FSD1L: variants seen among roughly 807,000 people sequenced by gnomAD.
FSD1L encodes FSD1-like protein.
FSD1L carries 45 observed loss-of-function variants against 71.6 expected under a neutral mutation model. That is an observed-to-expected ratio of 0.63 (90% CI 0.49 to 0.81). FSD1L has a LOEUF of 0.81. Among genes scored for constraint, FSD1L ranks in the 30% least tolerant of loss-of-function variants. The pLI is 0.00. For missense variants in FSD1L, 561 were observed against 618.1 expected (o/e 0.91, Z 0.98); for synonymous variants, 197 against 207.2 (o/e 0.95, Z 0.42).
Position 105,484,464 on chromosome 9 carries a change from A to C in FSD1L, c.548A>C (p.Gln183Pro). Residue 183 changes from glutamine (Q) to proline (P), a missense_variant, in exon 7 of 14, where the codon CAG (glutamine) becomes CCG (proline). Gln to Pro is a moderately conservative substitution (Grantham distance 76). Around this residue, in one of 3 missense-constraint regions of FSD1L, gnomAD observed 410 missense variants for 413.5 expected, o/e 0.99. Coordinates refer to ENST00000481272, the MANE Select transcript of FSD1L (RefSeq NM_001145313.3). ...NMTHLMVDFSQERQMLQTLKF... is the reference protein window; with the variant it reads ...NMTHLMVDFSPERQMLQTLKF... ...ACTCATTTAATGGTGGATTTCTCACAGGAAAGACAGATGCTGCAAACTTTG... is the reference window on the plus strand; with the variant it reads ...ACTCATTTAATGGTGGATTTCTCACCGGAAAGACAGATGCTGCAAACTTTG... 3 of 1,531,530 alleles carry C rather than the reference A, an allele frequency of 2.0e-6. No individual in the cohort carries two copies. Among genetic ancestry groups the C allele is most frequent in the Non-Finnish European group, 2.6e-6 (3 of 1,139,266 alleles). The allele number at this position is 1,531,530 out of a possible 1,614,324, so 94.9% of individuals were successfully genotyped here.
chr9:105,447,249 G>T (rs1359589682), upstream of FSD1L, among the ~76,000 whole-genome samples: 1 of 147,902 alleles, frequency 6.8e-6, no homozygotes, highest in Non-Finnish European at 1.5e-5. Context: ...CCTGGAACCC[G>T]GGAGGCAGAG....
intron 6 of FSD1L, among the ~76,000 whole-genome samples, chr9:105,479,967 C>A (rs1832064062): frequency 6.6e-6 from 1 of 152,088 alleles, no homozygotes; most frequent in Non-Finnish European, 1.5e-5. Context: ...ATTGGTAGAG[C>A]CAGGCTTAAG....
upstream of FSD1L, among the ~76,000 whole-genome samples, chr9:105,446,173 T>C (rs949186648): frequency 6.6e-6 from 1 of 152,106 alleles, no homozygotes; most frequent in African/African-American, 2.4e-5. Context: ...GTAGAATAAA[T>C]GCTGTTTCTC....
At chr9:105,460,063 C>G (rs1351174956) in intron 1 of FSD1L, among the ~76,000 whole-genome samples, 1 of 152,150 alleles carries the variant, frequency 6.6e-6, no homozygotes, top group Non-Finnish European at 1.5e-5. Context: ...CTCAGAAATA[C>G]TATATCAGCC....
At chr9:105,532,154 AG>A (rs1471014904) in intron 10 of FSD1L, among the ~76,000 whole-genome samples, 10 of 152,214 alleles carry the variant, frequency 6.6e-5, no homozygotes, top group Non-Finnish European at 1.5e-4. Flanking sequence ...GCCCCTCACA[AG>A]ATCAGGAAAA....
rs987470552 is a variant in FSD1L, at chr9:105,551,426, G to C, written c.*4943G>C. The C allele has an allele frequency of 6.6e-6, 1 of 151,860 alleles. No homozygotes were observed. The highest frequency in any genetic ancestry group is 1.5e-5 in the Non-Finnish European group (1 of 67,956). The allele number at this position is 151,860 out of a possible 1,614,324, so 9.4% of individuals were successfully genotyped here. A position where few individuals can be genotyped will look rare whatever the true frequency, so the allele number is the denominator to read the frequency against. On this transcript the variant is annotated 3_prime_UTR_variant, in exon 14 of 14. Coordinates refer to ENST00000481272, the MANE Select transcript of FSD1L (RefSeq NM_001145313.3). ...CTTCTTTATAAAATAAGTGTAAGTT[G>C]TTCAGCCTGCCTCACAGGGCTGTTG...
chr9:105,455,023 A>G (rs1456992586), intron 1 of FSD1L, among the ~76,000 whole-genome samples: 2 of 152,186 alleles, frequency 1.3e-5, no homozygotes, highest in Admixed American at 6.5e-5. Flanking sequence ...TGAGCATGAT[A>G]CTTTTGTTAA....
chr9:105,520,923 A>G, intron 10 of FSD1L: 1 of 1,612,094 alleles, frequency 6.2e-7, no homozygotes, highest in African/African-American at 1.3e-5. Flanking sequence ...TCAGGTAAAA[A>G]GTTTAGAATG....
At chr9:105,463,267 G>A (rs1830837860) in intron 2 of FSD1L, among the ~76,000 whole-genome samples, 2 of 152,186 alleles carry the variant, frequency 1.3e-5, no homozygotes, top group African/African-American at 4.8e-5. Flanking sequence ...AAGTCTTATA[G>A]GCTTTATTAA....
intron 4 of FSD1L, among the ~76,000 whole-genome samples, chr9:105,470,428 C>T (rs748647958): frequency 1.3e-5 from 2 of 152,030 alleles, no homozygotes; most frequent in Non-Finnish European, 2.9e-5. Context: ...TTTCTTTTAG[C>T]ATTGTATTGT....
At chr9:105,495,776 A>G (rs1833345428) in intron 7 of FSD1L, among the ~76,000 whole-genome samples, 1 of 152,134 alleles carries the variant, frequency 6.6e-6, no homozygotes, top group Non-Finnish European at 1.5e-5. Flanking sequence ...GGAGATCGAG[A>G]CCATCCTGGC....
At position 105,546,657 on chromosome 9, in the gene FSD1L, C is replaced by T; in HGVS notation, c.*174C>T. 2 of 482,712 alleles carry T rather than the reference C, an allele frequency of 4.1e-6. No homozygotes were observed. Among genetic ancestry groups the T allele is most frequent in the Non-Finnish European group, 6.9e-6 (2 of 290,674 alleles). 29.9% of individuals were successfully genotyped at this position (482,712 alleles called of 1,614,324 possible). A position where few individuals can be genotyped will look rare whatever the true frequency, so the allele number is the denominator to read the frequency against. On this transcript the variant is annotated 3_prime_UTR_variant, in exon 14 of 14. Transcript: ENST00000481272. ...GAAGCATTTGCAGGAACCTACTGTG[C>T]AGTATCATAGAAGCAAGCAGATACC...
intron 7 of FSD1L, among the ~76,000 whole-genome samples, chr9:105,502,064 A>G (rs1490496246): frequency 1.3e-5 from 2 of 152,122 alleles, no homozygotes; most frequent in Non-Finnish European, 1.5e-5. Flanking sequence ...ATATACTAAC[A>G]TATATGGCCT....
intron 5 of FSD1L, among the ~76,000 whole-genome samples, chr9:105,474,645 G>A (rs921880869): frequency 6.6e-6 from 1 of 152,110 alleles, no homozygotes; most frequent in Non-Finnish European, 1.5e-5. Context: ...TTCATTTAAG[G>A]TATACTATTT....
chr9:105,536,019 C>T (rs1002313923), intron 12 of FSD1L, among the ~76,000 whole-genome samples: 3 of 152,136 alleles, frequency 2.0e-5, no homozygotes, highest in Admixed American at 2.0e-4. Flanking sequence ...TCTTTACTTA[C>T]AAAATTATTA....
rs1056686369 is a variant in FSD1L at position 105,549,871 on chromosome 9, A to G, written c.*3388A>G. On this transcript the variant is annotated 3_prime_UTR_variant, in exon 14 of 14. Coordinates refer to ENST00000481272, the MANE Select transcript of FSD1L (RefSeq NM_001145313.3). ...TAATTTTATTGTTTCTTATGGAAAC[A>G]ATTGGAAAAGTATATGGAAAATGAT... is the stretch of plus-strand genomic sequence containing the variant. 4 of 152,008 alleles carry G rather than the reference A, an allele frequency of 2.6e-5. No homozygotes were observed. Among genetic ancestry groups the G allele is most frequent in the African/African-American group, 9.7e-5 (4 of 41,444 alleles). 9.4% of individuals were successfully genotyped at this position (152,008 alleles called of 1,614,324 possible).
At chr9:105,536,749 C>A (rs1008716353) in intron 12 of FSD1L, among the ~76,000 whole-genome samples, 1 of 151,616 alleles carries the variant, frequency 6.6e-6, no homozygotes, top group South Asian at 2.1e-4. Context: ...GACTCTCCTG[C>A]CTCAGCCTCC....
chr9:105,472,260 C>A, intron 5 of FSD1L: 1 of 379,098 alleles, frequency 2.6e-6, no homozygotes, highest in Non-Finnish European at 4.7e-6. Context: ...GGGAAAGCAT[C>A]ATCACTTTAT....
chr9:105,444,946 T>A (rs899866248), upstream of FSD1L, among the ~76,000 whole-genome samples: 2 of 152,258 alleles, frequency 1.3e-5, no homozygotes, highest in East Asian at 3.8e-4. Context: ...AATTTGTACT[T>A]CATAGAAGTT....
Sources: allele counts gnomAD v4.1 joint callset (sites outside exome capture counted in the v4.1 genomes callset), GRCh38; gene constraint gnomAD v4.1.1; regional missense constraint gnomAD v4.1.1; transcripts MANE v1.5; gene names NCBI Gene and HGNC (gene_info 2026-07-23, HGNC 2026-07-21).